Variants in ANK3 observed in about 807,000 individuals in gnomAD.
ANK3 encodes the protein ankyrin-3.
A neutral mutation model predicts 370.9 loss-of-function variants in ANK3; 57 were observed. The observed-to-expected ratio is 0.15, with a 90% CI of 0.12 to 0.19. The LOEUF (loss-of-function observed/expected upper bound fraction) is 0.19, where lower values mean the gene tolerates loss of function less well. Ranked by LOEUF, ANK3 falls within the 10% of genes least tolerant of loss-of-function variation. The pLI is 1.00. For synonymous variants in ANK3, 1,929 were observed against 1,946.3 expected, an observed-to-expected ratio of 0.99 and a Z score of 0.23; for missense variants, 4,439 against 5,302.1, an observed-to-expected ratio of 0.84 and a Z score of 5.06.
intron 1 of ANK3, among the ~76,000 whole-genome samples, chr10:60,667,726 C>A (rs922758491): frequency 6.6e-6 from 1 of 151,392 alleles, no homozygotes; most frequent in Admixed American, 6.6e-5. Context: ...TCTCCAGGGC[C>A]TCAGAGTGGG....
At chr10:60,695,888 A>T (rs1468807592) in intron 1 of ANK3, among the ~76,000 whole-genome samples, 3 of 151,752 alleles carry the variant, frequency 2.0e-5, no homozygotes, top group Non-Finnish European at 4.4e-5. Flanking sequence ...AGAAGGCAAG[A>T]AATAACTAAA....
At chr10:60,396,783 C>T (rs890213204) in intron 2 of ANK3, among the ~76,000 whole-genome samples, 24 of 152,134 alleles carry the variant, frequency 1.6e-4, no homozygotes, top group Admixed American at 1.4e-3. Context: ...GCTCTTACGC[C>T]AACTTTGTCG....
intron 2 of ANK3, among the ~76,000 whole-genome samples, chr10:60,477,643 A>C (rs1264214650): frequency 1.3e-5 from 2 of 152,010 alleles, no homozygotes; most frequent in Non-Finnish European, 2.9e-5. Context: ...AATAAATGTT[A>C]GCTCCAGTTT....
chr10:60,247,927 A>C (rs866532172), intron 7 of ANK3, among the ~76,000 whole-genome samples: 1 of 152,204 alleles, frequency 6.6e-6, no homozygotes, highest in African/African-American at 2.4e-5. Flanking sequence ...TCAGCCTCCC[A>C]AAGTGCTGGG....
intron 2 of ANK3, among the ~76,000 whole-genome samples, chr10:60,540,060 A>G (rs924349676): frequency 6.6e-6 from 1 of 151,866 alleles, no homozygotes; most frequent in Non-Finnish European, 1.5e-5. Context: ...GAAGTGATTG[A>G]TAAGAAGAAA....
chr10:60,090,934 G>C (rs2088177516), intron 28 of ANK3, among the ~76,000 whole-genome samples: 1 of 151,930 alleles, frequency 6.6e-6, no homozygotes, highest in South Asian at 2.1e-4. Flanking sequence ...TTTTGAGACA[G>C]ATCTCGCCGT....
chr10:60,448,716 C>T (rs1006797093), intron 2 of ANK3, among the ~76,000 whole-genome samples: 21 of 152,224 alleles, frequency 1.4e-4, no homozygotes, highest in Non-Finnish European at 2.9e-4. Context: ...TCTAGCATGG[C>T]TTATTTTGCG....
chr10:60,664,767 T>C (rs1427406424), intron 1 of ANK3, among the ~76,000 whole-genome samples: 3 of 152,218 alleles, frequency 2.0e-5, no homozygotes, highest in African/African-American at 7.2e-5. Context: ...CTTCATGTCA[T>C]ATACAATAAT....
intron 12 of ANK3, among the ~76,000 whole-genome samples, chr10:60,202,008 C>T (rs1046262188): frequency 2.0e-5 from 3 of 152,082 alleles, no homozygotes; most frequent in Admixed American, 1.3e-4. Flanking sequence ...AGCCACCATG[C>T]CCTGCTAAAA....
In ANK3 at chr10:60,073,596, G is replaced by A; in HGVS notation, c.7285C>T (p.Leu2429Phe). ...GTTTTATAAGAGTCATCAGATATGAGTTGAGCAGAACTAGGGCGGCTATCT... is the reference window on the plus strand; with the variant it reads ...GTTTTATAAGAGTCATCAGATATGAATTGAGCAGAACTAGGGCGGCTATCT... ...EEDSRPSSAQ[L>F]ISDDSYKTLK... Residue 2429 changes from leucine (L) to phenylalanine (F), a missense_variant, in exon 37 of 44, where the codon CTC becomes TTC. Around this residue, in one of 13 missense-constraint regions of ANK3, gnomAD observed 1,601 missense variants for 1,731.7 expected, o/e 0.92. Coordinates refer to ENST00000280772, the MANE Select transcript of ANK3 (RefSeq NM_020987.5). The A allele has an allele frequency of 6.2e-7, 1 of 1,614,058 alleles. No individual in the cohort carries two copies. Among genetic ancestry groups the A allele is most frequent in the Non-Finnish European group, 8.5e-7 (1 of 1,180,012 alleles).
chr10:60,276,048 T>C (rs1316468550), intron 4 of ANK3, among the ~76,000 whole-genome samples: 1 of 152,182 alleles, frequency 6.6e-6, no homozygotes, highest in African/African-American at 2.4e-5. Flanking sequence ...TGTTAAGTAC[T>C]AAAAGAAAGA....
At chr10:60,233,935 A>C (rs928483822) in intron 8 of ANK3, among the ~76,000 whole-genome samples, 6 of 152,078 alleles carry the variant, frequency 3.9e-5, no homozygotes, top group African/African-American at 1.2e-4. Flanking sequence ...CAACTACCAT[A>C]CTACTTTCTG....
intron 2 of ANK3, among the ~76,000 whole-genome samples, chr10:60,565,634 C>T (rs981656994): frequency 6.6e-6 from 1 of 152,174 alleles, no homozygotes; most frequent in African/African-American, 2.4e-5. Flanking sequence ...AATATACAAA[C>T]CATTGCTTAG....
chr10:60,140,469 C>T (rs1732008641), intron 23 of ANK3: 1 of 1,604,596 alleles, frequency 6.2e-7, no homozygotes, highest in African/African-American at 1.3e-5. Flanking sequence ...GAAACCAATC[C>T]CTGGTTTGTA....
chr10:60,059,650 C>A (rs1209269309), intron 40 of ANK3: 1 of 1,560,704 alleles, frequency 6.4e-7, no homozygotes, highest in East Asian at 2.2e-5. Flanking sequence ...GCTGGTTTAA[C>A]ATCTTTTGGG....
intron 1 of ANK3, among the ~76,000 whole-genome samples, chr10:60,311,474 CAAAAAAAA>C (rs57897005): frequency 5.6e-5 from 7 of 125,922 alleles, no homozygotes; most frequent in Admixed American, 7.9e-5. Context: ...ATATGGAAGC[CAAAAAAAA>C]AAAAAAAAAA....
intron 23 of ANK3, among the ~76,000 whole-genome samples, chr10:60,153,462 G>C (rs1339283616): frequency 6.6e-6 from 1 of 152,212 alleles, no homozygotes; most frequent in African/African-American, 2.4e-5. Flanking sequence ...GGATAGAAGT[G>C]CTGTGGGAAG....
intron 2 of ANK3, among the ~76,000 whole-genome samples, chr10:60,565,725 G>C (rs547431942): frequency 6.6e-6 from 1 of 152,070 alleles, no homozygotes; most frequent in African/African-American, 2.4e-5. Flanking sequence ...CTTATCCTCT[G>C]TCATCTGGGA....
At chr10:60,180,011 C>G (rs144525865) in intron 18 of ANK3, among the ~76,000 whole-genome samples, 107 of 145,238 alleles carry the variant, frequency 7.4e-4, no homozygotes, top group African/African-American at 1.1e-3. Context: ...CTCTCTCTCT[C>G]TGTGTGTGAA....
Sources: gnomAD v4.1 joint callset for allele counts (sites outside exome capture counted in the v4.1 genomes callset) on GRCh38, gnomAD v4.1.1 for gene constraint, gnomAD v4.1.1 regional missense constraint, MANE v1.5 for transcripts, NCBI Gene and HGNC (gene_info 2026-07-23, HGNC 2026-07-21) for gene names.